DOCK2: variants seen among roughly 807,000 people sequenced by gnomAD.
DOCK2 encodes dedicator of cytokinesis 2, also known as dedicator of cytokinesis protein 2.
A neutral mutation model predicts 248.9 loss-of-function variants in DOCK2; 87 were observed. The observed-to-expected ratio is 0.35, with a 90% CI of 0.29 to 0.42. The LOEUF (loss-of-function observed/expected upper bound fraction) is 0.42. Ranked by LOEUF, DOCK2 falls within the 10% of genes least tolerant of loss-of-function variation. The pLI, the probability that DOCK2 is intolerant of heterozygous loss-of-function variation, is 1.00. For synonymous variants in DOCK2, 805 were observed against 821.6 expected (o/e 0.98, Z 0.35); for missense variants, 1,747 against 2,300.2 (o/e 0.76, Z 4.92).
intron 41 of DOCK2, among the ~76,000 whole-genome samples, chr5:170,050,773 T>C (rs1198050081): frequency 6.6e-6 from 1 of 152,160 alleles, no homozygotes; most frequent in Non-Finnish European, 1.5e-5. Context: ...TCCCAGTAAA[T>C]ATTTGAGATG....
intron 7 of DOCK2, among the ~76,000 whole-genome samples, chr5:169,682,133 G>A (rs534026470): frequency 6.6e-6 from 1 of 152,328 alleles, no homozygotes; most frequent in South Asian, 2.1e-4. Context: ...TCCAGAAGGG[G>A]AAAAGAAGAA....
chr5:169,955,953 T>G lies in DOCK2; in HGVS notation c.2800-27115T>G, dbSNP rs182352259. On this transcript the variant is annotated intron_variant, in intron 27 of 51. Coordinates refer to ENST00000520908, the MANE Select transcript of DOCK2 (RefSeq NM_004946.3). ...TTTGGGCAACTAATGTGCCTAAGCC[T>G]GGGTCATGAGAGTCCTAAAAAGGAA... Among the ~76,000 whole-genome samples the G allele has an allele frequency of 5.6e-3, 847 of 151,580 alleles. 5 individuals carry two copies. The highest frequency in any genetic ancestry group is 7.2e-3 in the Non-Finnish European group (492 of 67,942).
At chr5:169,639,585 T>A (rs551296658) in intron 1 of DOCK2, among the ~76,000 whole-genome samples, 2 of 152,306 alleles carry the variant, frequency 1.3e-5, no homozygotes, top group East Asian at 1.9e-4. Context: ...TAAGCTTCGG[T>A]GATCAGGTCC....
At chr5:169,659,266 G>A (rs1400068606) in intron 2 of DOCK2, among the ~76,000 whole-genome samples, 3 of 151,964 alleles carry the variant, frequency 2.0e-5, no homozygotes. Context: ...AGTCATCTTG[G>A]GTATGTAAGC....
intron 27 of DOCK2, among the ~76,000 whole-genome samples, chr5:169,943,407 A>C (rs1776320131): frequency 6.6e-6 from 1 of 152,102 alleles, no homozygotes; most frequent in Admixed American, 6.5e-5. Context: ...CTACACAGGA[A>C]TATGGCCCAG....
intron 27 of DOCK2, among the ~76,000 whole-genome samples, chr5:169,937,072 T>A (rs923670850): frequency 6.6e-6 from 1 of 152,174 alleles, no homozygotes; most frequent in Non-Finnish European, 1.5e-5. Flanking sequence ...GGCAGAGTAA[T>A]TGGTAGGTGA....
At chr5:169,722,891 C>A (rs192784127) in intron 22 of DOCK2, among the ~76,000 whole-genome samples, 1 of 152,184 alleles carries the variant, frequency 6.6e-6, no homozygotes, top group Non-Finnish European at 1.5e-5. Context: ...GCAGGGATAA[C>A]TTTTACCAGG....
intron 27 of DOCK2, among the ~76,000 whole-genome samples, chr5:169,867,625 CATCTATCT>C (rs35247242): frequency 1.3e-3 from 198 of 150,918 alleles, no homozygotes; most frequent in African/African-American, 4.2e-3. Flanking sequence ...CATTATCTAT[CATCTATCT>C]ATCTATCTAT....
At chr5:169,798,872 A>G (rs1561706530) in intron 25 of DOCK2, among the ~76,000 whole-genome samples, 1 of 152,236 alleles carries the variant, frequency 6.6e-6, no homozygotes, top group Non-Finnish European at 1.5e-5. Flanking sequence ...ACCTCATTTT[A>G]CAGGTGGAGA....
intron 27 of DOCK2, among the ~76,000 whole-genome samples, chr5:169,963,475 T>C (rs1183859743): frequency 6.6e-6 from 1 of 152,116 alleles, no homozygotes; most frequent in African/African-American, 2.4e-5. Flanking sequence ...CCTAGGCCCA[T>C]TGTGGTCACT....
intron 1 of DOCK2, 99 bp downstream of exon 1, chr5:169,637,468 G>A (rs1581353430): frequency 1.6e-6 from 2 of 1,247,868 alleles, no homozygotes; most frequent in East Asian, 6.4e-5. Flanking sequence ...GGTGGGCAGG[G>A]CGCGCTGCCT....
rs117928019 is a variant in DOCK2, at chr5:169,799,601, G to C, written c.2555-3457G>C. On this transcript the variant is annotated intron_variant, in intron 25 of 51. Transcript: ENST00000520908. ...ATAAACTTTTTAATGAATATTGTAA[G>C]ACATTTTTTTACCCTGCTTAATAAA... is the stretch of plus-strand genomic sequence containing the variant. Among the ~76,000 whole-genome samples the C allele has an allele frequency of 7.4e-3, 1,126 of 152,264 alleles. 7 individuals are homozygous for C. The highest frequency in any genetic ancestry group is 0.041 in the East Asian group (215 of 5,182).
intron 48 of DOCK2, 52 bp downstream of exon 48, chr5:170,077,889 A>G (rs780723359): frequency 6.6e-5 from 92 of 1,393,836 alleles, no homozygotes; most frequent in Middle Eastern, 1.8e-4. Context: ...CCCTGGCTCT[A>G]TCCCCCCTCC....
intron 27 of DOCK2, among the ~76,000 whole-genome samples, chr5:169,850,859 A>G (rs1386269248): frequency 6.6e-6 from 1 of 152,206 alleles, no homozygotes; most frequent in Non-Finnish European, 1.5e-5. Context: ...AAAAACTTTA[A>G]TGGCTGGAGA....
At chr5:169,699,940 G>C in intron 12 of DOCK2, 74 bp from the exon 13 acceptor site, 1 of 1,587,812 alleles carries the variant, frequency 6.3e-7, no homozygotes, top group South Asian at 1.2e-5. Context: ...AGACAGAGGG[G>C]AGAGGTGGCG....
At chr5:169,721,860 GAA>G (rs1762228281) in intron 22 of DOCK2, among the ~76,000 whole-genome samples, 1 of 152,242 alleles carries the variant, frequency 6.6e-6, no homozygotes, top group Non-Finnish European at 1.5e-5. Context: ...GCCAAAGAAA[GAA>G]GAGAGTGAGT....
intron 30 of DOCK2, among the ~76,000 whole-genome samples, chr5:169,998,540 TTA>T (rs1368566340): frequency 6.6e-6 from 1 of 152,242 alleles, no homozygotes; most frequent in African/African-American, 2.4e-5. Context: ...TTTAAGGGCA[TTA>T]TCTTTTGCAG....
At chr5:169,972,574 TAGATAGATAGATGATA>T (rs1459280331) in intron 27 of DOCK2, among the ~76,000 whole-genome samples, 1,911 of 66,030 alleles carry the variant, frequency 0.029, 37 homozygotes, top group African/African-American at 0.083. Flanking sequence ...GATAGATAGA[TAGATAGATAGATGATA>T]GATAGATAGA....
In DOCK2 at chr5:169,787,778, C is replaced by T. The variant is rs1477513154; in HGVS notation, c.2555-15280C>T. Among the ~76,000 whole-genome samples the T allele has an allele frequency of 8.0e-5, 12 of 150,000 alleles. No homozygotes were observed. The South Asian group carries it at 1.1e-3, about 13-fold the overall frequency. ...TTGCCTCCTCTTTCTTCTTTTTCTC[C>T]GTCTTTTTTTCCTCTTTTACCTCTT... On this transcript the variant is annotated intron_variant, in intron 25 of 51. Coordinates refer to ENST00000520908, the MANE Select transcript of DOCK2 (RefSeq NM_004946.3).
Sources: allele counts gnomAD v4.1 joint callset (sites outside exome capture counted in the v4.1 genomes callset), GRCh38; gene constraint gnomAD v4.1.1; transcripts MANE v1.5; gene names NCBI Gene and HGNC (gene_info 2026-07-23, HGNC 2026-07-21).